ABCA13: variants seen among roughly 807,000 people sequenced by gnomAD.
ABCA13 encodes the protein ATP-binding cassette sub-family A member 13.
ABCA13 carries 476 observed loss-of-function variants against 478.7 expected under a neutral mutation model. That is an observed-to-expected ratio of 0.99 (90% CI 0.92 to 1.07). The LOEUF is 1.07. Among genes scored for constraint, ABCA13 ranks in the 50% least tolerant of loss-of-function variants. The pLI, the probability that ABCA13 is intolerant of heterozygous loss-of-function variation, is 0.00. For missense variants in ABCA13, 6,060 were observed against 5,910.6 expected, an observed-to-expected ratio of 1.03 and a Z score of -0.83; for synonymous variants, 2,252 against 2,158.9, an observed-to-expected ratio of 1.04 and a Z score of -1.20.
At chr7:48,269,137 C>T (rs775515194) in intron 16 of ABCA13, 43 bp downstream of exon 16, 10 of 1,117,422 alleles carry the variant, frequency 8.9e-6, no homozygotes, top group Non-Finnish European at 1.3e-5. Context: ...ATTTAATTAT[C>T]ATCTGAAGAT....
At chr7:48,346,623 T>C (rs1808148253) in intron 29 of ABCA13, among the ~76,000 whole-genome samples, 1 of 152,226 alleles carries the variant, frequency 6.6e-6, no homozygotes, top group East Asian at 1.9e-4. Flanking sequence ...GGAGCCTCGC[T>C]CTCTCCTTAT....
intron 58 of ABCA13, among the ~76,000 whole-genome samples, chr7:48,614,762 AT>A (rs887955837): frequency 2.7e-5 from 4 of 150,042 alleles, no homozygotes; most frequent in Non-Finnish European, 3.0e-5. Context: ...GGAAATCATC[AT>A]TCTGAGTAAA....
chr7:48,271,065 A>G (rs1795538160), intron 16 of ABCA13, among the ~76,000 whole-genome samples: 1 of 152,238 alleles, frequency 6.6e-6, no homozygotes, highest in African/African-American at 2.4e-5. Flanking sequence ...GCATGAATAC[A>G]TATCTGATAC....
intron 58 of ABCA13, among the ~76,000 whole-genome samples, chr7:48,607,144 G>A (rs538547330): frequency 1.3e-5 from 2 of 151,892 alleles, no homozygotes; most frequent in Non-Finnish European, 2.9e-5. Flanking sequence ...GCTGGGCTCT[G>A]TGGGGGTGGG....
intron 38 of ABCA13, among the ~76,000 whole-genome samples, chr7:48,400,132 T>G (rs1378026238): frequency 6.6e-6 from 1 of 152,144 alleles, no homozygotes; most frequent in East Asian, 1.9e-4. Context: ...TATGCCACTG[T>G]CTCTGGAGTC....
chr7:48,410,519 G>A lies in ABCA13; in HGVS notation c.12071-1G>A. Reference sequence around the variant, plus strand: ...CTGATGCACCCTGTGCTTGGACCCAGGTCGTACGATCATCTTCACAACCCA... The same window carrying A: ...CTGATGCACCCTGTGCTTGGACCCAAGTCGTACGATCATCTTCACAACCCA... On this transcript the variant is annotated splice_acceptor_variant, in intron 39 of 61. Transcript: ENST00000435803. LOFTEE classifies it high-confidence loss of function. The A allele has an allele frequency of 6.2e-7, 1 of 1,614,010 alleles. No homozygotes were observed. Among genetic ancestry groups the A allele is most frequent in the Non-Finnish European group, 8.5e-7 (1 of 1,179,864 alleles).
intron 20 of ABCA13, among the ~76,000 whole-genome samples, chr7:48,294,753 A>C (rs558958525): frequency 6.6e-6 from 1 of 152,058 alleles, no homozygotes; most frequent in Admixed American, 6.6e-5. Flanking sequence ...GCCCGTTTCT[A>C]TGGGTTTGAC....
chr7:48,284,899 C>A (rs760082240), intron 19 of ABCA13, among the ~76,000 whole-genome samples: 1 of 152,062 alleles, frequency 6.6e-6, no homozygotes, highest in Non-Finnish European at 1.5e-5. Flanking sequence ...CCCTCCTCTC[C>A]CATCATATAA....
intron 35 of ABCA13, among the ~76,000 whole-genome samples, chr7:48,379,298 A>G (rs1047371588): frequency 6.6e-6 from 1 of 152,220 alleles, no homozygotes; most frequent in African/African-American, 2.4e-5. Flanking sequence ...ATTGCCAGAC[A>G]CTACTGATGG....
intron 1 of ABCA13, among the ~76,000 whole-genome samples, chr7:48,182,255 G>T (rs1459171446): frequency 6.6e-6 from 1 of 152,142 alleles, no homozygotes; most frequent in African/African-American, 2.4e-5. Flanking sequence ...ATACCCTAAC[G>T]ATTGGTGCTT....
chr7:48,268,984 T>C lies in ABCA13; in HGVS notation c.2010T>C (p.Phe670=). The C allele has an allele frequency of 6.5e-7, 1 of 1,546,862 alleles. No individual in the cohort carries two copies. Among genetic ancestry groups the C allele is most frequent in the Non-Finnish European group, 8.9e-7 (1 of 1,123,726 alleles). The change falls in exon 16 of 62, where the codon TTT becomes TTC. Residue 670 remains phenylalanine (F), a synonymous_variant. Transcript: ENST00000435803. ...AGAAAATGTCTTTTTATTTAGCTTTTCCTGAGGAATCTCCTTGTTTTGAAG... is the reference window on the plus strand; with the variant it reads ...AGAAAATGTCTTTTTATTTAGCTTTCCCTGAGGAATCTCCTTGTTTTGAAG... ...QESFQNRLLA[F]PEESPCFEEN...
intron 59 of ABCA13, among the ~76,000 whole-genome samples, chr7:48,627,347 G>A (rs1325174750): frequency 2.6e-5 from 4 of 152,060 alleles, no homozygotes; most frequent in African/African-American, 7.2e-5. Flanking sequence ...AGTACATGTC[G>A]TGGGCACCTG....
In ABCA13 at chr7:48,173,445, A is replaced by G. The variant is rs141755080; in HGVS notation, c.69+1893A>G. On this transcript the variant is annotated intron_variant, in intron 1 of 61. Transcript: ENST00000435803. ...AAAAGAAGGAAGGAATAAAGCATTT[A>G]TGCATCTCTGTTATGTGCCAGATAG... Among the ~76,000 whole-genome samples the G allele has an allele frequency of 1.1e-3, 171 of 152,378 alleles. 1 individual carries two copies. The highest frequency in any genetic ancestry group is 1.9e-3 in the South Asian group (9 of 4,830).
intron 57 of ABCA13, among the ~76,000 whole-genome samples, chr7:48,594,434 G>GT (rs1790075348): frequency 6.6e-6 from 1 of 151,342 alleles, no homozygotes; most frequent in East Asian, 1.9e-4. Context: ...ATTTTGATCT[G>GT]TTTTTTGAAT....
intron 3 of ABCA13, among the ~76,000 whole-genome samples, chr7:48,199,932 C>CT (rs1441879566): frequency 1.3e-5 from 2 of 152,224 alleles, no homozygotes; most frequent in African/African-American, 4.8e-5. Flanking sequence ...CTCTTTGAAT[C>CT]TGTTTACTCA....
chr7:48,306,661 A>G (rs1212018271), intron 23 of ABCA13, among the ~76,000 whole-genome samples: 1 of 152,164 alleles, frequency 6.6e-6, no homozygotes, highest in African/African-American at 2.4e-5. Context: ...TGCCAGCCCT[A>G]TATGAAAAAA....
rs982899436 is a variant in ABCA13 at position 48,253,939 on chromosome 7, CTGTGTGTGTGTTCG to C, written c.2005+4598_2005+4611del. On this transcript the variant is annotated intron_variant, in intron 15 of 61. Transcript: ENST00000435803. ...GGACTGTACTTACGTGTGTGTGTGT[CTGTGTGTGTGTTCG>C]TGTGTGTGTCCCAAATGTTTCTTCT... Among the ~76,000 whole-genome samples, 43 of 149,694 alleles carry C rather than the reference CTGTGTGTGTGTTCG, an allele frequency of 2.9e-4. 2 individuals are homozygous for C. The highest frequency in any genetic ancestry group is 1.0e-3 in the African/African-American group (41 of 40,768).
chr7:48,455,132 C>T lies in ABCA13; in HGVS notation c.12661C>T (p.Arg4221Cys). 1 of 1,567,980 alleles carries T rather than the reference C, an allele frequency of 6.4e-7. No individual in the cohort carries two copies. The highest frequency in any genetic ancestry group is 8.6e-7 in the Non-Finnish European group (1 of 1,157,024). ...GGCCCGGAGGCTCCGCCGCACGCTGCGCGCCGGGAAGAGCACCCTCGCCGA... is the reference window on the plus strand; with the variant it reads ...GGCCCGGAGGCTCCGCCGCACGCTGTGCGCCGGGAAGAGCACCCTCGCCGA... Reference protein sequence around the residue: ...ILARRLRRTLRAGKSTLADLL... With the variant: ...ILARRLRRTLCAGKSTLADLL... The change falls in exon 43 of 62, where the codon CGC becomes TGC. Residue 4221 changes from arginine (R) to cysteine (C), a missense_variant. Around this residue, in one of 3 missense-constraint regions of ABCA13, gnomAD observed 1,627 missense variants for 1,571.0 expected, o/e 1.04. Coordinates refer to ENST00000435803, the MANE Select transcript of ABCA13 (RefSeq NM_152701.5).
intron 1 of ABCA13, among the ~76,000 whole-genome samples, chr7:48,172,776 C>T (rs560642125): frequency 3.5e-5 from 4 of 115,798 alleles, no homozygotes; most frequent in South Asian, 2.8e-4. Context: ...CCAGCCTGGG[C>T]GACAGAGCGA....
Sources: gnomAD v4.1 joint callset for allele counts (sites outside exome capture counted in the v4.1 genomes callset) on GRCh38, gnomAD v4.1.1 for gene constraint, gnomAD v4.1.1 regional missense constraint, MANE v1.5 for transcripts, NCBI Gene and HGNC (gene_info 2026-07-23, HGNC 2026-07-21) for gene names.